MAF: variants seen among roughly 807,000 people sequenced by gnomAD.
The protein encoded by MAF is transcription factor Maf.
MAF carries 10 observed loss-of-function variants against 22.0 expected under a neutral mutation model. That is an observed-to-expected ratio of 0.45 (90% CI 0.28 to 0.77). The LOEUF (loss-of-function observed/expected upper bound fraction) is 0.77. MAF is among the 30% of genes least tolerant of loss of function. The pLI is 0.12. For missense variants in MAF, 544 were observed against 548.4 expected, an observed-to-expected ratio of 0.99 and a Z score of 0.08; for synonymous variants, 337 against 255.8, an observed-to-expected ratio of 1.32 and a Z score of -3.03.
At chr16:79,397,956 G>C in the MAF span, among the ~76,000 whole-genome samples, 134,683 of 152,228 alleles carry the variant, frequency 0.88, 61,035 homozygotes, top group East Asian at 1. Context: ...TTACCATGAA[G>C]GTAGTCACTA....
chr16:79,293,418 G>C, the MAF span, among the ~76,000 whole-genome samples: 1 of 152,280 alleles, frequency 6.6e-6, no homozygotes, highest in African/African-American at 2.4e-5. Flanking sequence ...CTGAATTCTA[G>C]TTTAAAAAAT....
At chr16:79,444,496 A>G in the MAF span, among the ~76,000 whole-genome samples, 2 of 152,158 alleles carry the variant, frequency 1.3e-5, no homozygotes, top group African/African-American at 4.8e-5. Context: ...CTTATATTTA[A>G]AAAAGGGCAT....
the MAF span, among the ~76,000 whole-genome samples, chr16:79,461,726 G>A: frequency 6.6e-6 from 1 of 152,184 alleles, no homozygotes; most frequent in Non-Finnish European, 1.5e-5. Flanking sequence ...TGTTTGGAGA[G>A]AGGAGAGAGA....
chr16:79,593,636 G>C (rs769875505), downstream of MAF, among the ~76,000 whole-genome samples: 1 of 152,210 alleles, frequency 6.6e-6, no homozygotes, highest in Non-Finnish European at 1.5e-5. Context: ...TGTCTCCGTA[G>C]CAGATTTATT....
chr16:79,561,119 T>G, the MAF span, among the ~76,000 whole-genome samples: 4 of 152,198 alleles, frequency 2.6e-5, no homozygotes, highest in East Asian at 7.7e-4. Context: ...CCACATGTGA[T>G]GAAATCTTCT....
At chr16:79,496,529 T>C in the MAF span, among the ~76,000 whole-genome samples, 1 of 152,226 alleles carries the variant, frequency 6.6e-6, no homozygotes, top group Non-Finnish European at 1.5e-5. Context: ...TACTAGAAAT[T>C]CCCTGAGTCT....
chr16:79,407,808 A>G, the MAF span, among the ~76,000 whole-genome samples: 1 of 152,090 alleles, frequency 6.6e-6, no homozygotes, highest in Admixed American at 6.5e-5. Context: ...CCACGAAGCC[A>G]GGTTGCTCGC....
At chr16:79,359,947 A>T in the MAF span, among the ~76,000 whole-genome samples, 2 of 152,148 alleles carry the variant, frequency 1.3e-5, no homozygotes, top group Non-Finnish European at 2.9e-5. Context: ...CATGTGAAGG[A>T]TTGCCATTCA....
At chr16:79,343,256 CTA>C in the MAF span, among the ~76,000 whole-genome samples, 5 of 151,250 alleles carry the variant, frequency 3.3e-5, no homozygotes, top group South Asian at 8.5e-4. Flanking sequence ...CCAAAAAAAT[CTA>C]TGTGTGTGCT....
the MAF span, among the ~76,000 whole-genome samples, chr16:79,525,857 G>A: frequency 6.6e-6 from 1 of 152,148 alleles, no homozygotes; most frequent in Admixed American, 6.5e-5. Context: ...TACCAAGAAA[G>A]AGGCAAGAAT....
At chr16:79,212,519 A>C in the MAF span, 1 of 178,870 alleles carries the variant, frequency 5.6e-6, no homozygotes, top group Non-Finnish European at 1.2e-5. Flanking sequence ...TTAAGAATAC[A>C]CAGGATATTT....
At chr16:79,510,611 T>C in the MAF span, among the ~76,000 whole-genome samples, 2 of 152,186 alleles carry the variant, frequency 1.3e-5, no homozygotes, top group Non-Finnish European at 2.9e-5. Context: ...CCCTGGGATC[T>C]ATTTACTGTC....
the MAF span, among the ~76,000 whole-genome samples, chr16:79,504,282 T>C: frequency 6.6e-6 from 1 of 152,296 alleles, no homozygotes; most frequent in African/African-American, 2.4e-5. Flanking sequence ...TTTTGTCCCT[T>C]ATAGCTGATA....
At chr16:79,477,638 C>A in the MAF span, among the ~76,000 whole-genome samples, 1 of 152,142 alleles carries the variant, frequency 6.6e-6, no homozygotes. Context: ...TTTCTCTTCA[C>A]CTGAATTATC....
At chr16:79,262,299 A>C in the MAF span, among the ~76,000 whole-genome samples, 3 of 151,962 alleles carry the variant, frequency 2.0e-5, no homozygotes, top group East Asian at 5.8e-4. Context: ...GAATTCTAAA[A>C]CTCATGTTCT....
the MAF span, among the ~76,000 whole-genome samples, chr16:79,293,609 T>C: frequency 0.2 from 30,166 of 152,018 alleles, 4,168 homozygotes; most frequent in African/African-American, 0.4. Flanking sequence ...ACCCCACGAC[T>C]TATGTTCTTT....
chr16:79,573,373 T>G, the MAF span, among the ~76,000 whole-genome samples: 1 of 152,350 alleles, frequency 6.6e-6, no homozygotes, highest in South Asian at 2.1e-4. Flanking sequence ...CTAGGTTGCT[T>G]TTGATACTTT....
At chr16:79,451,724 G>C in the MAF span, among the ~76,000 whole-genome samples, 2 of 152,122 alleles carry the variant, frequency 1.3e-5, no homozygotes, top group East Asian at 3.9e-4. Flanking sequence ...AAACAACACA[G>C]GAGGAAATAA....
the MAF span, among the ~76,000 whole-genome samples, chr16:79,379,894 T>A: frequency 1.3e-5 from 2 of 152,284 alleles, no homozygotes; most frequent in South Asian, 2.1e-4. Context: ...AGAAGCAAGC[T>A]TGTTTGAGCT....
Sources: allele counts gnomAD v4.1 joint callset (sites outside exome capture counted in the v4.1 genomes callset), GRCh38; gene constraint gnomAD v4.1.1; transcripts MANE v1.5; gene names NCBI Gene and HGNC (gene_info 2026-07-23, HGNC 2026-07-21).